Variants in C11orf71 observed in about 807,000 individuals in gnomAD.
The protein encoded by C11orf71 is uncharacterized protein C11orf71.
For synonymous variants in C11orf71, 72 were observed against 73.4 expected, an observed-to-expected ratio of 0.98 and a Z score of 0.09; for missense variants, 179 against 167.6, an observed-to-expected ratio of 1.07 and a Z score of -0.38.
At chr11:114,394,266 T>TCTTTTCTTTC (rs1946108501), downstream of C11orf71, among the ~76,000 whole-genome samples, 1 of 77,758 alleles carries the variant, frequency 1.3e-5, no homozygotes, top group Non-Finnish European at 2.2e-5. Context: ...TCTTTTCTTT[T>TCTTTTCTTTC]CTTTTCTTTT....
downstream of C11orf71, among the ~76,000 whole-genome samples, chr11:114,394,228 C>CCTTTCCTTTCCTTTCTTTTCTTTTCT (rs1946101542): frequency 2.1e-4 from 10 of 48,704 alleles, no homozygotes; most frequent in South Asian, 8.2e-4. Flanking sequence ...CTTTTCTTTT[C>CCTTTCCTTTCCTTTCTTTTCTTTTCT]TTTCTTTTCT....
At chr11:114,395,143 G>C (rs1946121156), downstream of C11orf71, among the ~76,000 whole-genome samples, 1 of 152,086 alleles carries the variant, frequency 6.6e-6, no homozygotes, top group African/African-American at 2.4e-5. Context: ...TTCTACAGAG[G>C]AGAGATAAGA....
chr11:114,394,227 TC>T (rs1158801116), downstream of C11orf71, among the ~76,000 whole-genome samples: 1 of 42,324 alleles, frequency 2.4e-5, no homozygotes, highest in Admixed American at 2.6e-4. Context: ...TCTTTTCTTT[TC>T]TTTCTTTTCT....
downstream of C11orf71, among the ~76,000 whole-genome samples, chr11:114,394,222 T>TTTCCTTTC (rs1946100747): frequency 4.8e-5 from 3 of 63,146 alleles, no homozygotes; most frequent in South Asian, 8.5e-4. Flanking sequence ...TCTTTTCTTT[T>TTTCCTTTC]CTTTTCTTTC....
At chr11:114,394,204 T>TTTTC (rs1565256390), downstream of C11orf71, among the ~76,000 whole-genome samples, 8 of 46,978 alleles carry the variant, frequency 1.7e-4, no homozygotes, top group Middle Eastern at 9.3e-3. Flanking sequence ...TTTTCTTTTC[T>TTTTC]TTTCTTTTCT....
chr11:114,393,251 C>T lies in C11orf71; in HGVS notation c.344-1586G>A, dbSNP rs190660177. ...ATCTGTTAAAAGTTAAAACAAGAAG[C>T]AAGATCTCCACACCCACACATACTT... On this transcript the variant is annotated intron_variant, in intron 1 of 1. Coordinates refer to the C11orf71 transcript ENST00000325636. 2.0e-4 allele frequency among the ~76,000 whole-genome samples: 31 copies of T among 152,334 alleles called. No homozygotes were observed. In the East Asian group the frequency reaches 5.6e-3, roughly 27 times the overall value.
At chr11:114,394,171 G>A (rs1175371051), downstream of C11orf71, among the ~76,000 whole-genome samples, 27 of 90,174 alleles carry the variant, frequency 3.0e-4, 3 homozygotes, top group African/African-American at 1.1e-3. Flanking sequence ...TGGTAGAGAC[G>A]GGGTTTCGTT....
downstream of C11orf71, among the ~76,000 whole-genome samples, chr11:114,395,865 C>A (rs1383111194): frequency 1.3e-5 from 2 of 152,168 alleles, no homozygotes; most frequent in East Asian, 3.9e-4. Context: ...CCTTATCAAA[C>A]CAGGAGTGAG....
At position 114,399,974 on chromosome 11, in the gene C11orf71, G is replaced by A. The variant is rs762972633; in HGVS notation, c.358C>T (p.Arg120Ter). Residue 120 changes from arginine (R) to a stop codon, truncating the protein, a stop_gained, in exon 1 of 1, where the codon CGA (arginine) becomes TGA (stop). Transcript: ENST00000623205. LOFTEE classifies it high-confidence loss of function. Reference sequence around the variant, plus strand: ...AAGGTGTTCGTTTAAACTGAAATTCGAGCTGCGATAACACCTCCTAATGCA... The same window carrying A: ...AAGGTGTTCGTTTAAACTGAAATTCAAGCTGCGATAACACCTCCTAATGCA... ...LIALGGVIAA[R>*]ISV 5 of 1,597,160 alleles carry A rather than the reference G, an allele frequency of 3.1e-6. No homozygotes were observed. The highest frequency in any genetic ancestry group is 4.3e-6 in the Non-Finnish European group (5 of 1,166,966).
chr11:114,394,766 A>T (rs1467062962), downstream of C11orf71, among the ~76,000 whole-genome samples: 2 of 151,958 alleles, frequency 1.3e-5, no homozygotes, highest in African/African-American at 4.8e-5. Context: ...AGGGTTTTTT[A>T]AAATTATAAA....
In C11orf71 at chr11:114,399,986, C is replaced by T; in HGVS notation, c.346G>A (p.Val116Ile). 1 of 1,602,520 alleles carries T rather than the reference C, an allele frequency of 6.2e-7. No individual in the cohort carries two copies. Among genetic ancestry groups the T allele is most frequent in the Non-Finnish European group, 8.5e-7 (1 of 1,170,774 alleles). Residue 116 changes from valine to isoleucine, a missense_variant, in exon 1 of 1, where the codon GTT becomes ATT. By Grantham distance (29) the Val-to-Ile change is conservative. Coordinates refer to ENST00000623205, the MANE Select transcript of C11orf71 (RefSeq NM_001271562.2). ...TAAACTGAAATTCGAGCTGCGATAA[C>T]ACCTCCTAATGCAATCAAACGCTGT... ...LQQRLIALGGVIAARISV is the reference protein window; with the variant it reads ...LQQRLIALGGIIAARISV
In C11orf71 at chr11:114,400,187, TCGCTTCAGGC is replaced by T; in HGVS notation, c.135_144del (p.Pro46PhefsTer3). On this transcript the variant is annotated frameshift_variant, in exon 1 of 1. Coordinates refer to ENST00000623205, the MANE Select transcript of C11orf71 (RefSeq NM_001271562.2). LOFTEE classifies it low-confidence loss of function (END_TRUNC). Reference sequence around the variant, plus strand: ...ACCGCCTGCCGAGGTCCTAGATGAATCGCTTCAGGCCTGGAAACGAGGAAGCCGTCTCCGG... The same window carrying T: ...ACCGCCTGCCGAGGTCCTAGATGAATCTGGAAACGAGGAAGCCGTCTCCGG... The T allele has an allele frequency of 1.9e-6, 3 of 1,613,700 alleles. No individual in the cohort carries two copies. The highest frequency in any genetic ancestry group is 2.5e-6 in the Non-Finnish European group (3 of 1,179,828).
In C11orf71 at chr11:114,400,006, C is replaced by A. The variant is rs1348090152; in HGVS notation, c.326G>T (p.Arg109Leu). The A allele has an allele frequency of 5.0e-6, 8 of 1,613,110 alleles. No individual in the cohort carries two copies. Among genetic ancestry groups the A allele is most frequent in the Non-Finnish European group, 6.8e-6 (8 of 1,179,146 alleles). Residue 109 changes from arginine to leucine, a missense_variant, in exon 1 of 1, where the codon CGT becomes CTT. Transcript: ENST00000623205. ...GATAACACCTCCTAATGCAATCAAA[C>A]GCTGTTGCAGCACACTTCTTAGGAG... ...PDLLRSVLQQ[R>L]LIALGGVIAA...
At position 114,399,355 on chromosome 11, in the gene C11orf71, T is replaced by C. The variant is rs1470672897; in HGVS notation, c.*605A>G. The C allele has an allele frequency of 6.6e-6, 1 of 152,330 alleles. No homozygotes were observed. The highest frequency in any genetic ancestry group is 1.9e-4 in the East Asian group (1 of 5,202). 9.4% of individuals were successfully genotyped at this position (152,330 alleles called of 1,614,324 possible). A position where few individuals can be genotyped will look rare whatever the true frequency, so the allele number is the denominator to read the frequency against. On this transcript the variant is annotated 3_prime_UTR_variant, in exon 1 of 1. Transcript: ENST00000623205. ...CACCAGTGTATTTTAGGACAGCAGA[T>C]TCAGATTAATGCGCTGGGACTGAAT...
chr11:114,399,722 G>T lies in C11orf71; in HGVS notation c.*238C>A. On this transcript the variant is annotated 3_prime_UTR_variant, in exon 1 of 1. Coordinates refer to ENST00000623205, the MANE Select transcript of C11orf71 (RefSeq NM_001271562.2). ...GCTCCCATCAGCTCAGCTTTGTGAC[G>T]ACCTAAGAATATCCCTTCCACACCT... 1 of 568,224 alleles carries T rather than the reference G, an allele frequency of 1.8e-6. No homozygotes were observed. The highest frequency in any genetic ancestry group is 2.9e-6 in the Non-Finnish European group (1 of 345,198). 35.2% of individuals were successfully genotyped at this position (568,224 alleles called of 1,614,324 possible).
intron 1 of C11orf71, among the ~76,000 whole-genome samples, chr11:114,393,275 T>C (rs1946086739): frequency 6.6e-6 from 1 of 152,214 alleles, no homozygotes; most frequent in African/African-American, 2.4e-5. Flanking sequence ...CCACACATAC[T>C]TGCAGTAGAT....
At chr11:114,395,148 A>C (rs760623271), downstream of C11orf71, among the ~76,000 whole-genome samples, 12 of 152,084 alleles carry the variant, frequency 7.9e-5, no homozygotes, top group Non-Finnish European at 1.2e-4. Flanking sequence ...CAGAGGAGAG[A>C]TAAGACATAG....
At position 114,400,388 on chromosome 11, in the gene C11orf71, G is replaced by C; in HGVS notation, c.-57C>G. 6.5e-7 allele frequency: 1 copy of C among 1,526,864 alleles called. No individual in the cohort carries two copies. The highest frequency in any genetic ancestry group is 2.3e-5 in the East Asian group (1 of 42,570). 94.6% of individuals were successfully genotyped at this position (1,526,864 alleles called of 1,614,324 possible). A position where few individuals can be genotyped will look rare whatever the true frequency, so the allele number is the denominator to read the frequency against. The stretch of plus-strand genomic sequence containing the variant: ...GTCCCTTTGTGAAGGCAGGCCCTTC[G>C]CGGCTCCCCAGATCAGTCCAGCCTG... On this transcript the variant is annotated 5_prime_UTR_variant, in exon 1 of 1. Transcript: ENST00000623205.
chr11:114,400,506 G>A lies in C11orf71; in HGVS notation c.-175C>T, dbSNP rs900064352. The A allele has an allele frequency of 3.1e-6, 4 of 1,281,008 alleles. No homozygotes were observed. The highest frequency in any genetic ancestry group is 4.3e-6 in the Non-Finnish European group (4 of 939,508). 79.4% of individuals were successfully genotyped at this position (1,281,008 alleles called of 1,614,324 possible). A position where few individuals can be genotyped will look rare whatever the true frequency, so the allele number is the denominator to read the frequency against. Reference sequence around the variant, plus strand: ...TGCCTTTAACGAGGGGTATCCTGGCGAGCATGCGCAGACCGTCCGCGCACG... The same window carrying A: ...TGCCTTTAACGAGGGGTATCCTGGCAAGCATGCGCAGACCGTCCGCGCACG... On this transcript the variant is annotated 5_prime_UTR_variant, in exon 1 of 1. Coordinates refer to ENST00000623205, the MANE Select transcript of C11orf71 (RefSeq NM_001271562.2).
Sources: gnomAD v4.1 joint callset for allele counts (sites outside exome capture counted in the v4.1 genomes callset) on GRCh38, gnomAD v4.1.1 for gene constraint, MANE v1.5 for transcripts, NCBI Gene and HGNC (gene_info 2026-07-23, HGNC 2026-07-21) for gene names.